The following TAFA5 variants were observed in gnomAD, a reference collection of about 807,000 sequenced individuals.
The protein encoded by TAFA5 is chemokine-like protein TAFA-5.
A neutral mutation model predicts 15.3 loss-of-function variants in TAFA5; 6 were observed. That is an observed-to-expected ratio of 0.39 (90% CI 0.21 to 0.77). The LOEUF is 0.77. TAFA5 is among the 30% of genes least tolerant of loss of function. TAFA5 has a pLI of 0.41. For missense variants in TAFA5, 161 were observed against 193.1 expected, an observed-to-expected ratio of 0.83 and a Z score of 0.98; for synonymous variants, 103 against 80.7, an observed-to-expected ratio of 1.28 and a Z score of -1.48.
chr22:48,522,342 G>A (rs778852174), intron 1 of TAFA5, among the ~76,000 whole-genome samples: 2 of 152,016 alleles, frequency 1.3e-5, no homozygotes, highest in African/African-American at 4.8e-5. Context: ...CCGGAATTCC[G>A]TCTGTGCCCA....
At position 48,566,329 on chromosome 22, in the gene TAFA5, T is replaced by TG. The variant is rs1386153281; in HGVS notation, c.112+76628dup. Among the ~76,000 whole-genome samples, 1 of 150,630 alleles carries TG rather than the reference T, an allele frequency of 6.6e-6. No individual in the cohort carries two copies. Among genetic ancestry groups the TG allele is most frequent in the Non-Finnish European group, 1.5e-5 (1 of 67,688 alleles). On this transcript the variant is annotated intron_variant, in intron 1 of 3. Coordinates refer to ENST00000402357, the MANE Select transcript of TAFA5 (RefSeq NM_001082967.3). This position sits in a 1 kb window ranked among gnomAD's most constrained non-coding sequence, Gnocchi z 4.5. Reference sequence around the variant, plus strand: ...GATGGATAGATGGATGGATGGACGATGGGTGGATGATGAATGGATGGTGAT... The same window carrying TG: ...GATGGATAGATGGATGGATGGACGATGGGGTGGATGATGAATGGATGGTGAT...
chr22:48,697,226 G>C (rs1209349111), intron 2 of TAFA5, among the ~76,000 whole-genome samples: 17 of 152,186 alleles, frequency 1.1e-4, no homozygotes. Flanking sequence ...CTAAGGATGA[G>C]AGCCTTCACC....
chr22:48,707,621 G>C (rs1180114224), intron 2 of TAFA5, 96 bp from the exon 3 acceptor site: 1 of 1,456,764 alleles, frequency 6.9e-7, no homozygotes, highest in South Asian at 1.3e-5. Flanking sequence ...TTGCCTGAGG[G>C]CCCCCCCAGC....
Position 48,621,231 on chromosome 22 carries a change from A to G in TAFA5, c.113-25366A>G, listed in dbSNP as rs1419589513. Among the ~76,000 whole-genome samples, 3 of 116,706 alleles carry G rather than the reference A, an allele frequency of 2.6e-5. No individual in the cohort carries two copies. In the Admixed American group the frequency reaches 3.0e-4, roughly 12 times the overall value. The allele number at this position is 116,706 out of a possible 152,430, so 76.6% of individuals were successfully genotyped here. ...AGCCATCCACCCAATCCACCCACAC[A>G]CCAATTCTATCCATCTACCCATCCA... On this transcript the variant is annotated intron_variant, in intron 1 of 3. Transcript: ENST00000402357.
At chr22:48,587,854 C>T (rs757856489) in intron 1 of TAFA5, among the ~76,000 whole-genome samples, 6 of 152,388 alleles carry the variant, frequency 3.9e-5, no homozygotes, top group Admixed American at 2.0e-4. Context: ...GGAGGACTCA[C>T]GCAGAGGCGG....
At chr22:48,702,486 C>T (rs1443837034) in intron 2 of TAFA5, among the ~76,000 whole-genome samples, 1 of 152,140 alleles carries the variant, frequency 6.6e-6, no homozygotes, top group African/African-American at 2.4e-5. Flanking sequence ...GTCCTAAGCA[C>T]CTGCTCCTAC....
chr22:48,686,260 A>G (rs1019729189), intron 2 of TAFA5, among the ~76,000 whole-genome samples: 3 of 152,228 alleles, frequency 2.0e-5, no homozygotes, highest in South Asian at 2.1e-4. Flanking sequence ...TATGGCTGCT[A>G]TAATGGAGTG....
chr22:48,555,994 G>A (rs1265084258), intron 1 of TAFA5, among the ~76,000 whole-genome samples: 1 of 152,168 alleles, frequency 6.6e-6, no homozygotes, highest in Non-Finnish European at 1.5e-5. Flanking sequence ...GAGGTGTCCT[G>A]TCCTGTGGGC....
rs542821107 is a variant in TAFA5 at position 48,613,820 on chromosome 22, C to T, written c.113-32777C>T. Reference sequence around the variant, plus strand: ...CTGTCGCCATAGAATGTGGCCCCCTCGAGCTCCTGGTGGGTCCTGAACAAA... The same window carrying T: ...CTGTCGCCATAGAATGTGGCCCCCTTGAGCTCCTGGTGGGTCCTGAACAAA... On this transcript the variant is annotated intron_variant, in intron 1 of 3. Coordinates refer to ENST00000402357, the MANE Select transcript of TAFA5 (RefSeq NM_001082967.3). Among the ~76,000 whole-genome samples, 166 of 152,328 alleles carry T rather than the reference C, an allele frequency of 1.1e-3. 3 individuals are homozygous for T. The highest frequency in any genetic ancestry group is 0.011 in the Admixed American group (163 of 15,302).
intron 1 of TAFA5, among the ~76,000 whole-genome samples, chr22:48,553,224 G>A (rs1049510290): frequency 9.9e-5 from 15 of 151,896 alleles, no homozygotes; most frequent in Admixed American, 7.2e-4. Flanking sequence ...CAGGCCCCCC[G>A]CTCTGTGCCC....
chr22:48,539,077 G>A (rs972027130), intron 1 of TAFA5: 3 of 248,184 alleles, frequency 1.2e-5, no homozygotes, highest in South Asian at 5.4e-5. Context: ...GCACTGGCTC[G>A]GTCTTCCAGC....
chr22:48,640,507 T>G (rs73429969), intron 1 of TAFA5, among the ~76,000 whole-genome samples: 3,914 of 152,032 alleles, frequency 0.026, 143 homozygotes, highest in African/African-American at 0.082. Context: ...TGGGACGTGG[T>G]CTCCCTTTTT....
At chr22:48,721,039 C>A (rs1601697418) in intron 3 of TAFA5, among the ~76,000 whole-genome samples, 1 of 152,348 alleles carries the variant, frequency 6.6e-6, no homozygotes, top group Non-Finnish European at 1.5e-5. Context: ...CCACTGTCCC[C>A]TGCTGGGCCA....
At chr22:48,678,512 G>T (rs901991133) in intron 2 of TAFA5, among the ~76,000 whole-genome samples, 1 of 151,782 alleles carries the variant, frequency 6.6e-6, no homozygotes, top group Non-Finnish European at 1.5e-5. Context: ...TCCTTGGAGG[G>T]ACATGAGTTC....
intron 1 of TAFA5, among the ~76,000 whole-genome samples, chr22:48,534,134 C>T (rs1303879488): frequency 1.3e-5 from 2 of 151,716 alleles, no homozygotes; most frequent in South Asian, 2.1e-4. Context: ...GGGTGACAGG[C>T]AGGTGAGGGA....
In TAFA5 at chr22:48,577,990, G is replaced by C. The variant is rs148001453; in HGVS notation, c.113-68607G>C. ...AGTCATTGGGTCCAGGCAAGCCCGC[G>C]AGGGCTGTCCTCTGCTGGTGTCGCG... On this transcript the variant is annotated intron_variant, in intron 1 of 3. Coordinates refer to ENST00000402357, the MANE Select transcript of TAFA5 (RefSeq NM_001082967.3). Among the ~76,000 whole-genome samples the C allele has an allele frequency of 5.6e-3, 857 of 152,346 alleles. 7 individuals are homozygous for C. Among genetic ancestry groups the C allele is most frequent in the African/African-American group, 0.02 (835 of 41,586 alleles).
Position 48,681,978 on chromosome 22 carries a change from G to A in TAFA5, c.263-25739G>A, listed in dbSNP as rs1486592338. ...TACGGGAGCTCCCCGTCAAGCAGAC[G>A]TTGTTGTGGACTCACTGGAGACTCG... On this transcript the variant is annotated intron_variant, in intron 2 of 3. Coordinates refer to ENST00000402357, the MANE Select transcript of TAFA5 (RefSeq NM_001082967.3). Among the ~76,000 whole-genome samples, 8 of 94,052 alleles carry A rather than the reference G, an allele frequency of 8.5e-5. 1 individual carries two copies. Among genetic ancestry groups the A allele is most frequent in the African/African-American group, 2.6e-4 (8 of 31,200 alleles). The allele number at this position is 94,052 out of a possible 152,430, so 61.7% of individuals were successfully genotyped here.
Position 48,552,656 on chromosome 22 carries a change from C to T in TAFA5, c.112+62952C>T. 6.6e-6 allele frequency among the ~76,000 whole-genome samples: 1 copy of T among 152,136 alleles called. No homozygotes were observed. The highest frequency in any genetic ancestry group is 2.1e-4 in the South Asian group (1 of 4,826). The stretch of plus-strand genomic sequence containing the variant: ...GGGTGGGAGACCCCTTCCAGAGGGG[C>T]CCCTGTAGATTAGCTCAGCTTACTT... On this transcript the variant is annotated intron_variant, in intron 1 of 3. Transcript: ENST00000402357. This position sits in a 1 kb window ranked among gnomAD's most constrained non-coding sequence, Gnocchi z 4.1.
At chr22:48,746,405 G>A (rs568153699) in intron 3 of TAFA5, among the ~76,000 whole-genome samples, 2 of 152,214 alleles carry the variant, frequency 1.3e-5, no homozygotes, top group South Asian at 2.1e-4. Flanking sequence ...GAGGTGGGAG[G>A]ATGGCTTGAG....
Sources: allele counts gnomAD v4.1 joint callset (sites outside exome capture counted in the v4.1 genomes callset), GRCh38; gene constraint gnomAD v4.1.1; non-coding constraint Gnocchi (gnomAD v3.1); transcripts MANE v1.5; gene names NCBI Gene and HGNC (gene_info 2026-07-23, HGNC 2026-07-21).